The following TTC7A variants were observed in gnomAD, a reference collection of about 807,000 sequenced individuals.
TTC7A encodes the protein tetratricopeptide repeat domain 7A.
Under a neutral mutation model 103.7 loss-of-function variants are expected in TTC7A, and 110 were observed. That is an observed-to-expected ratio of 1.06 (90% CI 0.91 to 1.24). The LOEUF (loss-of-function observed/expected upper bound fraction) is 1.24. Ranked by LOEUF, TTC7A falls within the 50% of genes most tolerant of loss-of-function variation. The pLI, the probability that TTC7A is intolerant of heterozygous loss-of-function variation, is 0.00. For synonymous variants in TTC7A, 521 were observed against 467.9 expected, an observed-to-expected ratio of 1.11 and a Z score of -1.47; for missense variants, 1,340 against 1,116.3, an observed-to-expected ratio of 1.20 and a Z score of -2.86.
intron 15 of TTC7A, among the ~76,000 whole-genome samples, chr2:47,040,190 C>T (rs1174362518): frequency 4.6e-5 from 7 of 152,186 alleles, no homozygotes; most frequent in Non-Finnish European, 8.8e-5. Flanking sequence ...CTGCACTGGG[C>T]TCCCCGCCCA....
intron 19 of TTC7A, chr2:47,068,189 G>T (rs903467583): frequency 2.6e-5 from 4 of 152,242 alleles, no homozygotes; most frequent in African/African-American, 9.7e-5. Flanking sequence ...CTTGAAGGAG[G>T]AAGGATGTGC....
chr2:47,049,649 T>G (rs1682668201), intron 16 of TTC7A, among the ~76,000 whole-genome samples: 1 of 151,892 alleles, frequency 6.6e-6, no homozygotes, highest in African/African-American at 2.4e-5. Flanking sequence ...TGGATGTTGC[T>G]CCCCCTGGCC....
rs1685034157 is a variant in TTC7A, at chr2:47,074,211, A to C, written c.*288A>C. 1 of 470,312 alleles carries C rather than the reference A, an allele frequency of 2.1e-6. No homozygotes were observed. The highest frequency in any genetic ancestry group is 2.0e-5 in the African/African-American group (1 of 50,952). 29.1% of individuals were successfully genotyped at this position (470,312 alleles called of 1,614,324 possible). A position where few individuals can be genotyped will look rare whatever the true frequency, so the allele number is the denominator to read the frequency against. ...AGAGCTGGGCAGCGGGGAGCCTCAC[A>C]GCTGTCCTTCACCCTCACCCATGCC... On this transcript the variant is annotated 3_prime_UTR_variant, in exon 20 of 20. Coordinates refer to ENST00000319190, the MANE Select transcript of TTC7A (RefSeq NM_020458.4).
At chr2:46,939,572 A>G (rs1670158976), upstream of TTC7A, among the ~76,000 whole-genome samples, 2 of 152,218 alleles carry the variant, frequency 1.3e-5, no homozygotes, top group African/African-American at 2.4e-5. Flanking sequence ...TAGGTGCTCT[A>G]CAACCTGGGG....
At chr2:47,011,654 C>A (rs1176752243) in intron 11 of TTC7A, among the ~76,000 whole-genome samples, 1 of 152,232 alleles carries the variant, frequency 6.6e-6, no homozygotes, top group African/African-American at 2.4e-5. Context: ...TTTGGCAGTT[C>A]AGCCTTGAAC....
chr2:46,986,429 C>A (rs1198097391), intron 5 of TTC7A, among the ~76,000 whole-genome samples: 10 of 152,050 alleles, frequency 6.6e-5, no homozygotes, highest in Non-Finnish European at 1.5e-4. Context: ...GAGCTATGGC[C>A]AGGAGGAGGT....
At chr2:46,946,309 A>C (rs1670934437) in intron 1 of TTC7A, among the ~76,000 whole-genome samples, 1 of 152,226 alleles carries the variant, frequency 6.6e-6, no homozygotes. Context: ...GCAGCATTTC[A>C]CCAGAACTGG....
intron 11 of TTC7A, among the ~76,000 whole-genome samples, chr2:47,018,474 C>T (rs13416044): frequency 6.6e-6 from 1 of 151,122 alleles, no homozygotes; most frequent in Admixed American, 6.6e-5. Flanking sequence ...GTTCCAGCTA[C>T]TTGGGAGGCT....
intron 10 of TTC7A, among the ~76,000 whole-genome samples, chr2:47,008,842 T>G (rs1276366773): frequency 2.0e-5 from 3 of 152,008 alleles, no homozygotes; most frequent in African/African-American, 7.2e-5. Context: ...ATTTAGGTCG[T>G]TCCTTCTCTT....
chr2:46,925,697 C>T (rs547052733), intron 2 of TTC7A, among the ~76,000 whole-genome samples: 2 of 152,256 alleles, frequency 1.3e-5, no homozygotes, highest in South Asian at 4.1e-4. Flanking sequence ...CCCAAAAAAA[C>T]CCATGTTTAT....
chr2:47,068,502 T>C (rs1169845811), intron 19 of TTC7A: 1 of 151,940 alleles, frequency 6.6e-6, no homozygotes, highest in Non-Finnish European at 1.5e-5. Flanking sequence ...GATGAGATGA[T>C]TTTATTGTGA....
At chr2:46,921,798 C>T (rs927752230) in intron 2 of TTC7A, among the ~76,000 whole-genome samples, 1 of 152,134 alleles carries the variant, frequency 6.6e-6, no homozygotes, top group Non-Finnish European at 1.5e-5. Context: ...AGTGTGCAAC[C>T]TAGATCCCTT....
At chr2:47,042,702 G>GTGTGTATATATATA (rs111460716) in intron 15 of TTC7A, among the ~76,000 whole-genome samples, 140 of 142,716 alleles carry the variant, frequency 9.8e-4, no homozygotes, top group Non-Finnish European at 1.6e-3. Context: ...GTGTGTGTGT[G>GTGTGTATATATATA]TATATATATG....
At chr2:46,945,374 TC>T (rs1441887302) in intron 1 of TTC7A, among the ~76,000 whole-genome samples, 1 of 152,188 alleles carries the variant, frequency 6.6e-6, no homozygotes, top group Non-Finnish European at 1.5e-5. Context: ...TGCCTCAGCC[TC>T]CCAAGTAGCT....
At chr2:46,932,604 A>G (rs1558480943) in intron 2 of TTC7A, among the ~76,000 whole-genome samples, 1 of 152,168 alleles carries the variant, frequency 6.6e-6, no homozygotes, top group Non-Finnish European at 1.5e-5. Flanking sequence ...AAAGATTAAT[A>G]TAGAAGCAGG....
intron 2 of TTC7A, among the ~76,000 whole-genome samples, chr2:46,931,448 G>A (rs963836642): frequency 1.3e-5 from 2 of 152,192 alleles, no homozygotes; most frequent in Non-Finnish European, 2.9e-5. Flanking sequence ...ACCTTGAGAT[G>A]GGGAGATTAT....
intron 15 of TTC7A, among the ~76,000 whole-genome samples, chr2:47,031,477 G>A (rs890587493): frequency 7.9e-5 from 12 of 152,088 alleles, no homozygotes; most frequent in African/African-American, 1.7e-4. Context: ...ATCGGAAACC[G>A]AAATGGCCAA....
At chr2:46,982,445 G>A (rs1328762096) in intron 5 of TTC7A, among the ~76,000 whole-genome samples, 1 of 152,080 alleles carries the variant, frequency 6.6e-6, no homozygotes, top group African/African-American at 2.4e-5. Context: ...CTCTCCTCAT[G>A]CCTGGCAGAC....
chr2:46,918,516 T>A (rs1352652774), intron 2 of TTC7A, among the ~76,000 whole-genome samples: 1 of 152,216 alleles, frequency 6.6e-6, no homozygotes, highest in Non-Finnish European at 1.5e-5. Flanking sequence ...GTTCTGTAAC[T>A]TGTAGCTGAA....
Sources: allele counts gnomAD v4.1 joint callset (sites outside exome capture counted in the v4.1 genomes callset), GRCh38; gene constraint gnomAD v4.1.1; transcripts MANE v1.5; gene names NCBI Gene and HGNC (gene_info 2026-07-23, HGNC 2026-07-21).